LRRC3B: variants seen among roughly 807,000 people sequenced by gnomAD.
LRRC3B encodes the protein leucine-rich repeat-containing protein 3B.
A neutral mutation model predicts 12.8 loss-of-function variants in LRRC3B; 2 were observed. That is an observed-to-expected ratio of 0.16 (90% CI 0.06 to 0.49). LRRC3B has a LOEUF of 0.49. LRRC3B is among the 20% of genes least tolerant of loss of function. LRRC3B has a pLI of 0.96. For synonymous variants in LRRC3B, 132 were observed against 122.0 expected (o/e 1.08, Z -0.54); for missense variants, 189 against 319.4 (o/e 0.59, Z 3.11).
chr3:26,656,273 A>G (rs921000284), intron 1 of LRRC3B, among the ~76,000 whole-genome samples: 8 of 152,118 alleles, frequency 5.3e-5, no homozygotes, highest in African/African-American at 1.7e-4. Context: ...TAACAAACTG[A>G]TCCAAATACG....
At chr3:26,635,552 C>T (rs923401538) in intron 1 of LRRC3B, among the ~76,000 whole-genome samples, 1 of 152,144 alleles carries the variant, frequency 6.6e-6, no homozygotes, top group Non-Finnish European at 1.5e-5. Context: ...AGTGAGAAGG[C>T]GGCTGTCTGC....
intron 1 of LRRC3B, among the ~76,000 whole-genome samples, chr3:26,707,002 C>A (rs1700606572): frequency 6.6e-6 from 1 of 151,976 alleles, no homozygotes; most frequent in Non-Finnish European, 1.5e-5. Flanking sequence ...GGGAATGTAT[C>A]CGAGAATAAT....
rs183978941 is a variant in LRRC3B at position 26,672,928 on chromosome 3, G to C, written c.-160-36585G>C. On this transcript the variant is annotated intron_variant, in intron 1 of 1. Coordinates refer to ENST00000396641, the Ensembl canonical transcript of LRRC3B. Reference sequence around the variant, plus strand: ...TCAGCTGTACAGAATGACTTTGAGAGAACAGCACTTCTCCTTCAAAATGTG... The same window carrying C: ...TCAGCTGTACAGAATGACTTTGAGACAACAGCACTTCTCCTTCAAAATGTG... Among the ~76,000 whole-genome samples the C allele has an allele frequency of 1.1e-4, 16 of 152,286 alleles. No homozygotes were observed. In the East Asian group the frequency reaches 3.1e-3, roughly 29 times the overall value.
intron 1 of LRRC3B, among the ~76,000 whole-genome samples, chr3:26,671,413 G>GAGAGGGAGAGAGAGAGAGAGAGAGAGAC (rs9331540): frequency 1.0e-5 from 1 of 99,388 alleles, no homozygotes; most frequent in African/African-American, 4.3e-5. Flanking sequence ...GAGAGAGAGA[G>GAGAGGGAGAGAGAGAGAGAGAGAGAGAC]ACGAAGTCTT....
chr3:26,670,733 A>G (rs1699702558), intron 1 of LRRC3B, among the ~76,000 whole-genome samples: 1 of 152,176 alleles, frequency 6.6e-6, no homozygotes, highest in Admixed American at 6.5e-5. Flanking sequence ...GTGTGTCTCA[A>G]TTTCCCCAAG....
intron 1 of LRRC3B, among the ~76,000 whole-genome samples, chr3:26,657,483 T>TA (rs371222128): frequency 6.0e-4 from 92 of 152,338 alleles, no homozygotes; most frequent in African/African-American, 2.1e-3. Flanking sequence ...ATGGAACTCT[T>TA]ACAACTCCCA....
chr3:26,704,285 AT>A (rs1424599984), intron 1 of LRRC3B, among the ~76,000 whole-genome samples: 1 of 152,106 alleles, frequency 6.6e-6, no homozygotes, highest in East Asian at 1.9e-4. Context: ...TTATTCTTCA[AT>A]TTTAAATTTT....
At chr3:26,698,915 A>G (rs901292915) in intron 1 of LRRC3B, among the ~76,000 whole-genome samples, 1 of 152,134 alleles carries the variant, frequency 6.6e-6, no homozygotes, top group Admixed American at 6.5e-5. Context: ...CAGTTGTTCC[A>G]ATAATGTCCC....
chr3:26,639,880 G>A (rs1307766461), intron 1 of LRRC3B, among the ~76,000 whole-genome samples: 2 of 152,166 alleles, frequency 1.3e-5, no homozygotes, highest in East Asian at 1.9e-4. Flanking sequence ...TTCCTTATGA[G>A]TATTTATTAT....
chr3:26,673,730 C>G (rs891330579), intron 1 of LRRC3B, among the ~76,000 whole-genome samples: 1 of 152,162 alleles, frequency 6.6e-6, no homozygotes, highest in African/African-American at 2.4e-5. Context: ...CATATTATCT[C>G]CATCCTTACC....
intron 1 of LRRC3B, among the ~76,000 whole-genome samples, chr3:26,693,509 T>C (rs908681180): frequency 2.0e-5 from 3 of 152,144 alleles, no homozygotes; most frequent in Non-Finnish European, 4.4e-5. Flanking sequence ...TAAGGAGCTT[T>C]AAAGTTGCAT....
chr3:26,674,954 T>G (rs1186719945), intron 1 of LRRC3B, among the ~76,000 whole-genome samples: 1 of 152,168 alleles, frequency 6.6e-6, no homozygotes, highest in Non-Finnish European at 1.5e-5. Flanking sequence ...TCCAAGTAGT[T>G]TTATGTTGGG....
At chr3:26,656,672 G>A (rs557767255) in intron 1 of LRRC3B, among the ~76,000 whole-genome samples, 4 of 152,328 alleles carry the variant, frequency 2.6e-5, no homozygotes, top group African/African-American at 9.6e-5. Flanking sequence ...TATTAGGGAA[G>A]GAGAGGAAAG....
chr3:26,626,212 G>A (rs1443921382), intron 1 of LRRC3B, among the ~76,000 whole-genome samples: 1 of 152,190 alleles, frequency 6.6e-6, no homozygotes, highest in Non-Finnish European at 1.5e-5. Flanking sequence ...AGAGGAAATC[G>A]ATTTGGAGAA....
chr3:26,676,108 G>C (rs1022420517), intron 1 of LRRC3B, among the ~76,000 whole-genome samples: 1 of 151,132 alleles, frequency 6.6e-6, no homozygotes, highest in African/African-American at 2.4e-5. Context: ...AATACTTAAA[G>C]TTTTAGGGTA....
intron 1 of LRRC3B, among the ~76,000 whole-genome samples, chr3:26,697,435 C>T (rs1700345312): frequency 6.6e-6 from 1 of 152,128 alleles, no homozygotes; most frequent in African/African-American, 2.4e-5. Flanking sequence ...TATAAGAGCA[C>T]TCAAAATTAC....
At chr3:26,706,326 C>A (rs1007367678) in intron 1 of LRRC3B, among the ~76,000 whole-genome samples, 2 of 152,132 alleles carry the variant, frequency 1.3e-5, no homozygotes, top group African/African-American at 4.8e-5. Context: ...ACAGCAGCAT[C>A]CCAGGGCTCA....
chr3:26,676,228 T>TC (rs1699857558), intron 1 of LRRC3B, among the ~76,000 whole-genome samples: 1 of 130,600 alleles, frequency 7.7e-6, no homozygotes, highest in Non-Finnish European at 1.6e-5. Context: ...TGCTATCCCT[T>TC]CCCCCTCCCC....
rs184752312 is a variant in LRRC3B at position 26,700,903 on chromosome 3, G to A, written c.-160-8610G>A. On this transcript the variant is annotated intron_variant, in intron 1 of 1. Transcript: ENST00000396641. ...AAGGGTTGCAATTACTACCTTTTAG[G>A]GGCTTTGTGAGAATTGTGGTGAGGT... is the stretch of plus-strand genomic sequence containing the variant. 7.2e-5 allele frequency among the ~76,000 whole-genome samples: 11 copies of A among 152,126 alleles called. No individual in the cohort carries two copies. In the East Asian group the frequency reaches 2.1e-3, roughly 29 times the overall value.
Sources: gnomAD v4.1 joint callset for allele counts (sites outside exome capture counted in the v4.1 genomes callset) on GRCh38, gnomAD v4.1.1 for gene constraint, MANE v1.5 for transcripts, NCBI Gene and HGNC (gene_info 2026-07-23, HGNC 2026-07-21) for gene names.